NSUN3: variants seen among roughly 807,000 people sequenced by gnomAD.
NSUN3 encodes tRNA (cytosine(34)-C(5))-methyltransferase, mitochondrial.
NSUN3 carries 24 observed loss-of-function variants against 36.8 expected under a neutral mutation model. The observed-to-expected ratio is 0.65, with a 90% CI of 0.47 to 0.92. The LOEUF is 0.92. NSUN3 is among the 40% of genes least tolerant of loss of function. The probability of loss-of-function intolerance (pLI) is 0.00; values close to 1 mark genes in which losing one functional copy is unlikely to be tolerated. For missense variants in NSUN3, 381 were observed against 392.8 expected (o/e 0.97, Z 0.25); for synonymous variants, 146 against 145.2 (o/e 1.01, Z -0.04).
chr3:94,124,337 T>G (rs1322629980), intron 5 of NSUN3, among the ~76,000 whole-genome samples: 1 of 151,464 alleles, frequency 6.6e-6, no homozygotes, highest in Admixed American at 6.6e-5. Flanking sequence ...ATGTGGTCCA[T>G]GCTGGTCTCG....
intron 2 of NSUN3, chr3:94,076,283 C>G: frequency 1.1e-6 from 1 of 890,618 alleles, no homozygotes; most frequent in Non-Finnish European, 1.9e-6. Flanking sequence ...TCAGATCCCA[C>G]AAGGCAACAG....
chr3:94,069,216 A>G (rs910037654), intron 2 of NSUN3, among the ~76,000 whole-genome samples: 2 of 152,232 alleles, frequency 1.3e-5, no homozygotes. Flanking sequence ...TATCTGAGGT[A>G]CAGTGAATAA....
At chr3:94,085,421 T>C (rs1004399179) in intron 3 of NSUN3, 1 of 152,174 alleles carries the variant, frequency 6.6e-6, no homozygotes, top group Non-Finnish European at 1.5e-5. Flanking sequence ...TGTGTGATGG[T>C]TCTGTTTTTA....
At chr3:94,116,700 A>G (rs1012497472) in intron 5 of NSUN3, among the ~76,000 whole-genome samples, 1 of 152,192 alleles carries the variant, frequency 6.6e-6, no homozygotes, top group African/African-American at 2.4e-5. Context: ...TTTACAGTAT[A>G]ATTCATTTGG....
chr3:94,082,621 A>C (rs573160613), intron 2 of NSUN3, among the ~76,000 whole-genome samples: 1 of 152,342 alleles, frequency 6.6e-6, no homozygotes, highest in South Asian at 2.1e-4. Context: ...GGTGTGTAGC[A>C]GCTGGAATTT....
Position 94,130,112 on chromosome 3 carries a change from T to A in NSUN3, c.*3622T>A, listed in dbSNP as rs887552805. The stretch of plus-strand genomic sequence containing the variant: ...TCAGGAATAAGTATTATAACCCCCT[T>A]TTGTGAATGAGAAAACCAAAGCTCA... On this transcript the variant is annotated 3_prime_UTR_variant, in exon 6 of 6. Transcript: ENST00000314622. 1.3e-5 allele frequency among the ~76,000 whole-genome samples: 2 copies of A among 152,096 alleles called. No individual in the cohort carries two copies. The highest frequency in any genetic ancestry group is 2.9e-5 in the Non-Finnish European group (2 of 68,016).
chr3:94,063,171 C>T (rs1315729506), intron 1 of NSUN3, 33 bp downstream of exon 1: 2 of 1,612,508 alleles, frequency 1.2e-6, no homozygotes, highest in Admixed American at 3.3e-5. Flanking sequence ...GTACCTCTAT[C>T]TGAATGAGAC....
chr3:94,073,541 C>T (rs1439779102), intron 2 of NSUN3, among the ~76,000 whole-genome samples: 2 of 152,152 alleles, frequency 1.3e-5, no homozygotes, highest in African/African-American at 4.8e-5. Flanking sequence ...ATTTGTATTT[C>T]TCTAATGACC....
At chr3:94,120,371 CTT>C (rs1027003524) in intron 5 of NSUN3, among the ~76,000 whole-genome samples, 144 of 152,306 alleles carry the variant, frequency 9.5e-4, no homozygotes, top group African/African-American at 3.0e-3. Flanking sequence ...CTCCAGAACT[CTT>C]TTCATCTTTC....
At chr3:94,074,357 G>A (rs1373751179) in intron 2 of NSUN3, among the ~76,000 whole-genome samples, 1 of 152,144 alleles carries the variant, frequency 6.6e-6, no homozygotes, top group Non-Finnish European at 1.5e-5. Flanking sequence ...AATGGTAGCT[G>A]GATGGGGATA....
rs1366071278 is a variant in NSUN3 at position 94,127,533 on chromosome 3, TTTC to T, written c.*1049_*1051del. The T allele has an allele frequency of 3.9e-5, 6 of 152,208 alleles. No homozygotes were observed. The highest frequency in any genetic ancestry group is 1.2e-4 in the African/African-American group (5 of 41,452). The allele number at this position is 152,208 out of a possible 1,614,324, so 9.4% of individuals were successfully genotyped here. A position where few individuals can be genotyped will look rare whatever the true frequency, so the allele number is the denominator to read the frequency against. On this transcript the variant is annotated 3_prime_UTR_variant, in exon 6 of 6. Transcript: ENST00000314622. ...ATAAATCCTGGGAATACTGTATACA[TTTC>T]TTCTTATGTACTTAGGGTTTTAGCT...
rs1193524150 is a variant in NSUN3, at chr3:94,076,635, A to G, written c.123-7472A>G. ...CTGAGATTTGGCCAAGAAAGCCCAT[A>G]GCCTTTTTTCTGATGTCCATGGAGA... is the stretch of plus-strand genomic sequence containing the variant. On this transcript the variant is annotated intron_variant, in intron 2 of 5. Coordinates refer to ENST00000314622, the MANE Select transcript of NSUN3 (RefSeq NM_022072.5). The G allele has an allele frequency of 1.0e-5, 10 of 989,772 alleles. No individual in the cohort carries two copies. In the South Asian group the frequency reaches 1.1e-4, roughly 11 times the overall value. The allele number at this position is 989,772 out of a possible 1,614,324, so 61.3% of individuals were successfully genotyped here.
intron 5 of NSUN3, among the ~76,000 whole-genome samples, chr3:94,098,211 A>G (rs757072472): frequency 4.6e-5 from 7 of 152,072 alleles, no homozygotes; most frequent in Non-Finnish European, 1.0e-4. Flanking sequence ...TCAATCAATC[A>G]CTAAGACGTC....
At chr3:94,113,402 C>A (rs1227732384) in intron 5 of NSUN3, among the ~76,000 whole-genome samples, 4 of 152,052 alleles carry the variant, frequency 2.6e-5, no homozygotes, top group Non-Finnish European at 4.4e-5. Context: ...ATAATTCATG[C>A]CTCAGAACTT....
rs762409179 is a variant in NSUN3, at chr3:94,128,359, AGTTT to A, written c.*1874_*1877del. The stretch of plus-strand genomic sequence containing the variant: ...TTTTCTTTTTTAAGTTATCATTATT[AGTTT>A]GTTTTTTTTATCTTCAGACACTATA... On this transcript the variant is annotated 3_prime_UTR_variant, in exon 6 of 6. Coordinates refer to ENST00000314622, the MANE Select transcript of NSUN3 (RefSeq NM_022072.5). 1.1e-4 allele frequency: 17 copies of A among 152,200 alleles called. No homozygotes were observed. The highest frequency in any genetic ancestry group is 2.2e-4 in the Non-Finnish European group (15 of 67,988). 9.4% of individuals were successfully genotyped at this position (152,200 alleles called of 1,614,324 possible).
At chr3:94,100,814 T>C (rs1318203354) in intron 5 of NSUN3, among the ~76,000 whole-genome samples, 1 of 152,126 alleles carries the variant, frequency 6.6e-6, no homozygotes, top group Non-Finnish European at 1.5e-5. Flanking sequence ...AGTCACTTTA[T>C]GAGAAATATT....
chr3:94,100,832 C>T (rs1576094006), intron 5 of NSUN3, among the ~76,000 whole-genome samples: 1 of 152,216 alleles, frequency 6.6e-6, no homozygotes, highest in East Asian at 1.9e-4. Context: ...ATTTATGTTA[C>T]ATAAGCAGTC....
intron 2 of NSUN3, among the ~76,000 whole-genome samples, chr3:94,080,737 G>T (rs1476213902): frequency 6.6e-6 from 1 of 152,160 alleles, no homozygotes; most frequent in Non-Finnish European, 1.5e-5. Flanking sequence ...CCTCAGTAAT[G>T]GCGGACGCCC....
intron 5 of NSUN3, among the ~76,000 whole-genome samples, chr3:94,107,510 C>T (rs1229021725): frequency 2.0e-5 from 3 of 152,058 alleles, no homozygotes; most frequent in East Asian, 3.9e-4. Context: ...TGGTCTCAAA[C>T]TCCTGTACTC....
Sources: gnomAD v4.1 joint callset for allele counts (sites outside exome capture counted in the v4.1 genomes callset) on GRCh38, gnomAD v4.1.1 for gene constraint, MANE v1.5 for transcripts, NCBI Gene and HGNC (gene_info 2026-07-23, HGNC 2026-07-21) for gene names.